Variants in PCDHA12 observed in about 807,000 individuals in gnomAD.
PCDHA12 encodes protocadherin alpha-12.
PCDHA12 carries 44 observed loss-of-function variants against 60.0 expected under a neutral mutation model. The observed-to-expected ratio is 0.73, with a 90% confidence interval of 0.58 to 0.94. The LOEUF (loss-of-function observed/expected upper bound fraction) is 0.94. PCDHA12 is among the 40% of genes least tolerant of loss of function. The pLI is 0.00. For missense variants in PCDHA12, 1,276 were observed against 1,239.7 expected (o/e 1.03, Z -0.44); for synonymous variants, 569 against 553.0 (o/e 1.03, Z -0.40).
intron 1 of PCDHA12, among the ~76,000 whole-genome samples, chr5:140,897,595 A>C (rs2066215346): frequency 6.6e-6 from 1 of 152,132 alleles, no homozygotes; most frequent in Admixed American, 6.5e-5. Context: ...TCATTGTTGG[A>C]CATTTGGGTT....
chr5:140,941,185 CTTT>C (rs782102770), intron 1 of PCDHA12, among the ~76,000 whole-genome samples: 1 of 102,176 alleles, frequency 9.8e-6, no homozygotes, highest in Admixed American at 9.9e-5. Flanking sequence ...CATCCTGCTT[CTTT>C]TTTTTTCTTT....
chr5:141,010,462 T>A lies in PCDHA12; in HGVS notation c.*525T>A. On this transcript the variant is annotated 3_prime_UTR_variant, in exon 4 of 4. Transcript: ENST00000398631. ...ACAAATAAACAGCGGAAGTTATCAGTATGGAGGGGAAGTGTAAACTTAAAG... is the reference window on the plus strand; with the variant it reads ...ACAAATAAACAGCGGAAGTTATCAGAATGGAGGGGAAGTGTAAACTTAAAG... The A allele has an allele frequency of 2.4e-6, 2 of 822,568 alleles. No individual in the cohort carries two copies. Among genetic ancestry groups the A allele is most frequent in the Non-Finnish European group, 3.6e-6 (2 of 552,664 alleles). The allele number at this position is 822,568 out of a possible 1,614,324, so 51.0% of individuals were successfully genotyped here.
rs1554168013 is a variant in PCDHA12 at position 140,875,873 on chromosome 5, G to C, written c.401G>C (p.Arg134Thr). The C allele has an allele frequency of 1.2e-6, 2 of 1,614,214 alleles. No individual in the cohort carries two copies. The highest frequency in any genetic ancestry group is 1.1e-5 in the South Asian group (1 of 91,082). The part of the protein sequence containing the change: ...KDINDNPPVF[R>T]EREQKVPVSE... ...ATTAACGACAACCCGCCGGTGTTCAGAGAAAGGGAACAAAAGGTACCTGTT... is the reference window on the plus strand; with the variant it reads ...ATTAACGACAACCCGCCGGTGTTCACAGAAAGGGAACAAAAGGTACCTGTT... Residue 134 changes from arginine to threonine, a missense_variant, in exon 1 of 4, where the codon AGA becomes ACA. Transcript: ENST00000398631.
chr5:140,966,765 C>G (rs2096051420), intron 1 of PCDHA12: 7 of 1,482,914 alleles, frequency 4.7e-6, no homozygotes, highest in Non-Finnish European at 6.3e-6. Context: ...CGGCCAGTGG[C>G]TATGGAGCAG....
At chr5:140,986,355 T>G (rs1381730343) in intron 3 of PCDHA12, among the ~76,000 whole-genome samples, 6 of 152,154 alleles carry the variant, frequency 3.9e-5, no homozygotes, top group African/African-American at 1.4e-4. Context: ...CTTCTTCAGA[T>G]GGAGGAATGC....
At chr5:140,884,129 C>T (rs1554181252) in intron 1 of PCDHA12, 1 of 1,613,420 alleles carries the variant, frequency 6.2e-7, no homozygotes, top group Non-Finnish European at 8.5e-7. Context: ...CGCGCGCATC[C>T]CGTTCCGCGT....
At chr5:140,898,622 A>C (rs1286354840) in intron 1 of PCDHA12, among the ~76,000 whole-genome samples, 1 of 152,172 alleles carries the variant, frequency 6.6e-6, no homozygotes, top group Admixed American at 6.5e-5. Context: ...GTCAGGTAGC[A>C]TAATGCCTCC....
At chr5:140,887,532 C>T (rs1161154809) in intron 1 of PCDHA12, among the ~76,000 whole-genome samples, 1 of 152,152 alleles carries the variant, frequency 6.6e-6, no homozygotes, top group African/African-American at 2.4e-5. Flanking sequence ...GAGTCTTCCT[C>T]TCCCCACCCC....
Position 140,877,314 on chromosome 5 carries a change from G to C in PCDHA12, c.1842G>C (p.Ala614=), listed in dbSNP as rs2057020187. The C allele has an allele frequency of 6.2e-7, 1 of 1,613,972 alleles. No individual in the cohort carries two copies. The highest frequency in any genetic ancestry group is 8.5e-7 in the Non-Finnish European group (1 of 1,179,880). ...GGCTGTCCTACGAGTTGCAACCGGC[G>C]GCGGTCGGCGCGCACATCCCGTTCC... ...NAWLSYELQP[A]AVGAHIPFHV... is the part of the protein sequence containing the mutation. Residue 614 remains alanine (A), a synonymous_variant, in exon 1 of 4, where the codon GCG becomes GCC. Transcript: ENST00000398631.
chr5:140,952,379 G>T (rs1384901092), intron 1 of PCDHA12, among the ~76,000 whole-genome samples: 1 of 151,322 alleles, frequency 6.6e-6, no homozygotes, highest in Non-Finnish European at 1.5e-5. Flanking sequence ...TCCTCTGCCA[G>T]GTACCCTAAA....
intron 1 of PCDHA12, among the ~76,000 whole-genome samples, chr5:140,905,949 A>T (rs897929607): frequency 2.0e-5 from 3 of 152,242 alleles, no homozygotes; most frequent in African/African-American, 7.2e-5. Context: ...TTGGAATCCG[A>T]TGTTCAAGGG....
At chr5:140,927,854 C>T (rs1047804872) in intron 1 of PCDHA12, 1 of 1,614,222 alleles carries the variant, frequency 6.2e-7, no homozygotes, top group South Asian at 1.1e-5. Flanking sequence ...TTTGGTTTAG[C>T]TAGCACCGCT....
At chr5:140,972,660 A>ATTTTTTTT (rs11350929) in intron 1 of PCDHA12, among the ~76,000 whole-genome samples, 1 of 117,268 alleles carries the variant, frequency 8.5e-6, no homozygotes, top group Non-Finnish European at 1.7e-5. Context: ...AAGAAACCAA[A>ATTTTTTTT]TTTTTTTTTT....
intron 3 of PCDHA12, among the ~76,000 whole-genome samples, chr5:141,001,099 C>A (rs1554258004): frequency 6.6e-6 from 1 of 151,694 alleles, no homozygotes; most frequent in African/African-American, 2.4e-5. Context: ...CTGTCTAATC[C>A]ATAATAAGCA....
intron 1 of PCDHA12, chr5:140,881,486 T>G: frequency 2.8e-6 from 1 of 355,652 alleles, no homozygotes; most frequent in African/African-American, 2.2e-5. Flanking sequence ...ATTATTGTGT[T>G]TATGCACATA....
In PCDHA12 at chr5:140,929,079, T is replaced by G. The variant is rs76301676; in HGVS notation, c.2368-49870T>G. 5,184 of 1,614,178 alleles carry G rather than the reference T, an allele frequency of 3.2e-3. 26 individuals are homozygous for G. Among genetic ancestry groups the G allele is most frequent in the African/African-American group, 0.019 (1,450 of 75,034 alleles). On this transcript the variant is annotated intron_variant, in intron 1 of 3. Transcript: ENST00000398631. ...CTACAGAGGATCTGAGGTATGGAAGTAAGATGGTTTCAAATCCTTGCATGA... is the reference window on the plus strand; with the variant it reads ...CTACAGAGGATCTGAGGTATGGAAGGAAGATGGTTTCAAATCCTTGCATGA...
At chr5:140,959,259 C>G (rs781794121) in intron 1 of PCDHA12, among the ~76,000 whole-genome samples, 1 of 152,040 alleles carries the variant, frequency 6.6e-6, no homozygotes, top group African/African-American at 2.4e-5. Context: ...TGACTGTAGT[C>G]CCAGCTACCC....
intron 1 of PCDHA12, among the ~76,000 whole-genome samples, chr5:140,905,308 T>C (rs1194215404): frequency 1.3e-5 from 2 of 152,120 alleles, no homozygotes; most frequent in African/African-American, 4.8e-5. Flanking sequence ...TTTCCACACT[T>C]TGTGTTTGTA....
At chr5:140,885,462 G>T (rs890056404) in intron 1 of PCDHA12, among the ~76,000 whole-genome samples, 3 of 152,070 alleles carry the variant, frequency 2.0e-5, no homozygotes, top group African/African-American at 7.2e-5. Context: ...ACCTAATGAT[G>T]GGCAATCACT....
Sources: allele counts gnomAD v4.1 joint callset (sites outside exome capture counted in the v4.1 genomes callset), GRCh38; gene constraint gnomAD v4.1.1; transcripts MANE v1.5; gene names NCBI Gene and HGNC (gene_info 2026-07-23, HGNC 2026-07-21).